Variants in POLG2 observed in about 807,000 individuals in gnomAD.
POLG2 encodes DNA polymerase subunit gamma-2.
Under a neutral mutation model 56.5 loss-of-function variants are expected in POLG2, and 50 were observed. The ratio of observed to expected loss-of-function variants is 0.88; its 90% CI spans 0.71 to 1.12. The LOEUF (loss-of-function observed/expected upper bound fraction) is 1.12, where lower values mean the gene tolerates loss of function less well. POLG2 is among the 50% of genes most tolerant of loss of function. The pLI is 0.00. For synonymous variants in POLG2, 226 were observed against 222.6 expected, an observed-to-expected ratio of 1.02 and a Z score of -0.14; for missense variants, 584 against 583.3, an observed-to-expected ratio of 1.00 and a Z score of -0.01.
intron 4 of POLG2, among the ~76,000 whole-genome samples, chr17:64,487,808 C>T (rs1038993137): frequency 2.0e-5 from 3 of 151,878 alleles, no homozygotes; most frequent in Non-Finnish European, 4.4e-5. Context: ...TTGAGACTAG[C>T]CTGGGCAACA....
In POLG2 at chr17:64,485,687, T is replaced by C. The variant is rs61432275; in HGVS notation, c.1110+41A>G. The C allele has an allele frequency of 7.0e-3, 10,686 of 1,532,156 alleles. 636 individuals are homozygous for C. In the African/African-American group the frequency reaches 0.13, roughly 18 times the overall value. The allele number at this position is 1,532,156 out of a possible 1,614,324, so 94.9% of individuals were successfully genotyped here. A position where few individuals can be genotyped will look rare whatever the true frequency, so the allele number is the denominator to read the frequency against. On this transcript the variant is annotated intron_variant, in intron 5 of 7. Coordinates refer to ENST00000539111, the MANE Select transcript of POLG2 (RefSeq NM_007215.4). ...AACATTAAGAACAAACAAACCCATA[T>C]TTTTAGTTTCCCAAGTCTATCTCTG...
rs547806545 is a variant in POLG2 at position 64,497,040 on chromosome 17, A to G, written c.-72T>C. ...CCAACAAGCCACCACTACCGTTAAC[A>G]GAATCCGGAGAGGCCACGGCGCAGG... is the stretch of plus-strand genomic sequence containing the variant. On this transcript the variant is annotated 5_prime_UTR_variant, in exon 1 of 8. Transcript: ENST00000539111. The G allele has an allele frequency of 3.4e-6, 5 of 1,460,186 alleles. No homozygotes were observed. Among genetic ancestry groups the G allele is most frequent in the Middle Eastern group, 1.7e-4 (1 of 5,838 alleles). 90.5% of individuals were successfully genotyped at this position (1,460,186 alleles called of 1,614,324 possible). A position where few individuals can be genotyped will look rare whatever the true frequency, so the allele number is the denominator to read the frequency against.
intron 7 of POLG2, among the ~76,000 whole-genome samples, chr17:64,478,211 GAAAAT>G (rs1276782622): frequency 6.6e-6 from 1 of 152,112 alleles, no homozygotes; most frequent in Admixed American, 6.6e-5. Context: ...AGTCATAAAA[GAAAAT>G]AAAATCTGAG....
chr17:64,485,954 C>T (rs1327105800), intron 4 of POLG2, 86 bp from the exon 5 acceptor site: 1 of 1,346,194 alleles, frequency 7.4e-7, no homozygotes, highest in East Asian at 2.3e-5. Flanking sequence ...ACTCTGTCAC[C>T]TGGCCAGGCT....
chr17:64,485,558 C>T (rs975831251), intron 5 of POLG2, 170 bp downstream of exon 5: 60 of 639,020 alleles, frequency 9.4e-5, no homozygotes, highest in Non-Finnish European at 1.5e-4. Flanking sequence ...TCTGTGAGAA[C>T]CTGATTCTTA....
chr17:64,482,039 C>T (rs936888003), intron 6 of POLG2, among the ~76,000 whole-genome samples: 1 of 151,188 alleles, frequency 6.6e-6, no homozygotes, highest in African/African-American at 2.4e-5. Flanking sequence ...TTCTTTAACA[C>T]ACTTCAAAAT....
chr17:64,481,824 G>C (rs553449274), intron 6 of POLG2, among the ~76,000 whole-genome samples: 1 of 151,850 alleles, frequency 6.6e-6, no homozygotes, highest in Middle Eastern at 3.2e-3. Context: ...GCAGTGAGCC[G>C]AGATCGTGCC....
chr17:64,492,082 T>C (rs989334074), intron 3 of POLG2, among the ~76,000 whole-genome samples: 8 of 152,112 alleles, frequency 5.3e-5, no homozygotes, highest in African/African-American at 1.9e-4. Context: ...TTATGGCCAA[T>C]GAAGAGGGGA....
intron 4 of POLG2, among the ~76,000 whole-genome samples, chr17:64,489,028 CTTTTTTT>C (rs562036918): frequency 7.3e-6 from 1 of 136,474 alleles, no homozygotes; most frequent in Non-Finnish European, 1.6e-5. Context: ...TTTTCTTTTT[CTTTTTTT>C]TTTTTTTTGA....
intron 5 of POLG2, among the ~76,000 whole-genome samples, chr17:64,484,727 T>C (rs1254542131): frequency 1.3e-5 from 2 of 152,330 alleles, no homozygotes; most frequent in East Asian, 3.9e-4. Flanking sequence ...AAACCATTTA[T>C]AAACCCCATT....
intron 6 of POLG2, among the ~76,000 whole-genome samples, chr17:64,480,873 G>A (rs1454351561): frequency 6.6e-6 from 1 of 152,140 alleles, no homozygotes; most frequent in Non-Finnish European, 1.5e-5. Context: ...CCCGGAAAAT[G>A]TTTCAAGAAG....
intron 1 of POLG2, among the ~76,000 whole-genome samples, chr17:64,495,870 G>C (rs2038142806): frequency 6.6e-6 from 1 of 151,958 alleles, no homozygotes; most frequent in African/African-American, 2.4e-5. Flanking sequence ...CGTCACGGCC[G>C]GCTAATTTTT....
At chr17:64,486,977 A>C (rs1372141316) in intron 4 of POLG2, 1 of 152,206 alleles carries the variant, frequency 6.6e-6, no homozygotes, top group Admixed American at 6.5e-5. Flanking sequence ...TTTGGATAAA[A>C]ACAGTTCCAC....
At chr17:64,480,479 T>C (rs536365385) in intron 6 of POLG2, 90 bp from the exon 7 acceptor site, 60 of 619,578 alleles carry the variant, frequency 9.7e-5, no homozygotes, top group African/African-American at 9.4e-4. Context: ...AATCACCCTC[T>C]TCAATCTCTA....
intron 5 of POLG2, among the ~76,000 whole-genome samples, chr17:64,483,529 C>T (rs1471945959): frequency 2.9e-5 from 4 of 140,056 alleles, no homozygotes; most frequent in Non-Finnish European, 6.0e-5. Context: ...AAAAAAAAAA[C>T]AAATTAACTT....
intron 1 of POLG2, among the ~76,000 whole-genome samples, chr17:64,493,883 T>C (rs1348980055): frequency 6.6e-5 from 10 of 152,188 alleles, no homozygotes; most frequent in African/African-American, 2.4e-4. Flanking sequence ...ATTATCAACA[T>C]TTTGCCACAT....
chr17:64,497,027 C>G lies in POLG2; in HGVS notation c.-59G>C. ...CACTCAACGGATCCCAACAAGCCACCACTACCGTTAACAGAATCCGGAGAG... is the reference window on the plus strand; with the variant it reads ...CACTCAACGGATCCCAACAAGCCACGACTACCGTTAACAGAATCCGGAGAG... On this transcript the variant is annotated 5_prime_UTR_variant, in exon 1 of 8. Coordinates refer to ENST00000539111, the MANE Select transcript of POLG2 (RefSeq NM_007215.4). 3 of 1,512,358 alleles carry G rather than the reference C, an allele frequency of 2.0e-6. No homozygotes were observed. The highest frequency in any genetic ancestry group is 2.7e-6 in the Non-Finnish European group (3 of 1,100,764). 93.7% of individuals were successfully genotyped at this position (1,512,358 alleles called of 1,614,324 possible). A position where few individuals can be genotyped will look rare whatever the true frequency, so the allele number is the denominator to read the frequency against.
intron 4 of POLG2, among the ~76,000 whole-genome samples, chr17:64,489,463 CA>C (rs1568087677): frequency 6.6e-6 from 1 of 151,388 alleles, no homozygotes; most frequent in East Asian, 1.9e-4. Context: ...ACCAGTAAGG[CA>C]AAATTTGGTG....
Position 64,480,887 on chromosome 17 carries a change from C to T in POLG2, c.1192-498G>A, listed in dbSNP as rs185898408. ...CCCCGGAAAATGTTTCAAGAAGAGA[C>T]TGATCAACCCATTTCACTGGAATGC... On this transcript the variant is annotated intron_variant, in intron 6 of 7. Transcript: ENST00000539111. 1.9e-3 allele frequency among the ~76,000 whole-genome samples: 294 copies of T among 152,258 alleles called. 1 individual carries two copies. Among genetic ancestry groups the T allele is most frequent in the South Asian group, 6.2e-3 (30 of 4,824 alleles).
Sources: allele counts gnomAD v4.1 joint callset (sites outside exome capture counted in the v4.1 genomes callset), GRCh38; gene constraint gnomAD v4.1.1; transcripts MANE v1.5; gene names NCBI Gene and HGNC (gene_info 2026-07-23, HGNC 2026-07-21).